The following ITGA6 variants were observed in gnomAD, a reference collection of about 807,000 sequenced individuals.
ITGA6 encodes the protein integrin alpha-6.
In ITGA6, 63 loss-of-function variants were observed where a neutral mutation model predicts 133.6. That is an observed-to-expected ratio of 0.47 (90% confidence interval 0.38 to 0.58). The LOEUF is 0.58. Ranked by LOEUF, ITGA6 falls within the 20% of genes least tolerant of loss-of-function variation. ITGA6 has a pLI of 0.00. For missense variants in ITGA6, 1,068 were observed against 1,309.4 expected (o/e 0.82, Z 2.85); for synonymous variants, 434 against 482.0 (o/e 0.90, Z 1.30).
chr2:172,477,159 T>G (rs1377489074), intron 9 of ITGA6, among the ~76,000 whole-genome samples: 1 of 152,208 alleles, frequency 6.6e-6, no homozygotes, highest in East Asian at 1.9e-4. Context: ...TTACTTTTGT[T>G]TATATCCTTG....
intron 1 of ITGA6, among the ~76,000 whole-genome samples, chr2:172,437,639 A>C (rs1462809677): frequency 6.6e-6 from 1 of 152,184 alleles, no homozygotes; most frequent in Non-Finnish European, 1.5e-5. Context: ...CAGCTGAGTC[A>C]ATTAAAAAAA....
chr2:172,433,881 C>G (rs568281273), intron 1 of ITGA6, among the ~76,000 whole-genome samples: 1 of 152,228 alleles, frequency 6.6e-6, no homozygotes, highest in African/African-American at 2.4e-5. Context: ...GATGAGTGGA[C>G]AGATGGGTGC....
intron 3 of ITGA6, among the ~76,000 whole-genome samples, chr2:172,468,636 A>G (rs920801043): frequency 2.0e-5 from 3 of 152,208 alleles, no homozygotes; most frequent in African/African-American, 7.2e-5. Context: ...ACTGATTACA[A>G]GGAAATAGTG....
chr2:172,440,777 A>G (rs1684506250), intron 1 of ITGA6, among the ~76,000 whole-genome samples: 1 of 152,216 alleles, frequency 6.6e-6, no homozygotes, highest in Non-Finnish European at 1.5e-5. Flanking sequence ...TGAGTAACAG[A>G]AAATTGCAAC....
At position 172,491,771 on chromosome 2, in the gene ITGA6, G is replaced by A. The variant is rs1366194883; in HGVS notation, c.2988+248G>A. ...TTGAGAACTACTGGCTCAATTCAGAGAATGGGTGCACCTCACAGCCCTCTA... is the reference window on the plus strand; with the variant it reads ...TTGAGAACTACTGGCTCAATTCAGAAAATGGGTGCACCTCACAGCCCTCTA... On this transcript the variant is annotated intron_variant, in intron 23 of 25. Transcript: ENST00000684293. This position sits in a 1 kb window ranked among gnomAD's most constrained non-coding sequence, Gnocchi z 4.4. Among the ~76,000 whole-genome samples, 1 of 152,148 alleles carries A rather than the reference G, an allele frequency of 6.6e-6. No individual in the cohort carries two copies. The highest frequency in any genetic ancestry group is 2.4e-5 in the African/African-American group (1 of 41,434).
At chr2:172,469,527 T>A (rs866130046) in intron 4 of ITGA6, 147 bp downstream of exon 4, 81 of 735,590 alleles carry the variant, frequency 1.1e-4, no homozygotes, top group Middle Eastern at 3.9e-4. Flanking sequence ...ATGATATGAT[T>A]TTTAAAAGCT....
intron 25 of ITGA6, among the ~76,000 whole-genome samples, chr2:172,502,991 G>C (rs1375642671): frequency 6.6e-6 from 1 of 151,174 alleles, no homozygotes; most frequent in Non-Finnish European, 1.5e-5. Flanking sequence ...AATAATAAAT[G>C]AATCCATGTA....
At chr2:172,450,973 T>G (rs1281834646) in intron 1 of ITGA6, among the ~76,000 whole-genome samples, 1 of 147,624 alleles carries the variant, frequency 6.8e-6, no homozygotes, top group Non-Finnish European at 1.5e-5. Context: ...TAAATATATT[T>G]TGTGTGTGTG....
chr2:172,492,457 TCA>T (rs1485141416), intron 23 of ITGA6, among the ~76,000 whole-genome samples: 1 of 152,240 alleles, frequency 6.6e-6, no homozygotes, highest in African/African-American at 2.4e-5. Context: ...GTCCATTGTT[TCA>T]GTTTGCAAAG....
rs756521938 is a variant in ITGA6 at position 172,484,887 on chromosome 2, T to G, written c.1655T>G (p.Leu552Arg). 1 of 1,614,150 alleles carries G rather than the reference T, an allele frequency of 6.2e-7. No individual in the cohort carries two copies. Among genetic ancestry groups the G allele is most frequent in the South Asian group, 1.1e-5 (1 of 91,086 alleles). Residue 552 changes from leucine (L) to arginine (R), a missense_variant, in exon 12 of 26, where the codon CTA becomes CGA. By Grantham distance (102) the Leu-to-Arg change is moderately radical. Transcript: ENST00000684293. ...TCTGAGCCCAAATATACTCAAGAAC[T>G]AACTCTGAAGAGGCAGAAACAGAAA... ...QGSEPKYTQE[L>R]TLKRQKQKVC...
chr2:172,434,009 C>A (rs918162280), intron 1 of ITGA6, among the ~76,000 whole-genome samples: 2 of 152,140 alleles, frequency 1.3e-5, no homozygotes, highest in Non-Finnish European at 2.9e-5. Flanking sequence ...CCTTCTTAGA[C>A]CTCTATGACC....
At position 172,488,246 on chromosome 2, in the gene ITGA6, G is replaced by A; in HGVS notation, c.2505+18G>A. 1 of 1,537,892 alleles carries A rather than the reference G, an allele frequency of 6.5e-7. No homozygotes were observed. Among genetic ancestry groups the A allele is most frequent in the Non-Finnish European group, 9.0e-7 (1 of 1,110,816 alleles). On this transcript the variant is annotated intron_variant, in intron 19 of 25. Coordinates refer to ENST00000684293, the MANE Select transcript of ITGA6 (RefSeq NM_000210.4). ...AATTCAGGGTAAGTTGGAGCAGTTG[G>A]TCTTTTCATTATACCAAAAGCTGAC... is the stretch of plus-strand genomic sequence containing the variant.
chr2:172,473,838 A>G (rs943499280), intron 5 of ITGA6, among the ~76,000 whole-genome samples: 1 of 152,208 alleles, frequency 6.6e-6, no homozygotes, highest in Non-Finnish European at 1.5e-5. Flanking sequence ...AAAAGTCTTA[A>G]TATCCATAGA....
intron 1 of ITGA6, among the ~76,000 whole-genome samples, chr2:172,458,136 G>A (rs1685288546): frequency 6.6e-6 from 1 of 152,050 alleles, no homozygotes; most frequent in Non-Finnish European, 1.5e-5. Context: ...CTGGCTGTGG[G>A]GAAAATACCA....
intron 1 of ITGA6, among the ~76,000 whole-genome samples, chr2:172,446,594 A>G (rs910785888): frequency 4.6e-5 from 7 of 152,262 alleles, no homozygotes; most frequent in Admixed American, 1.3e-4. Flanking sequence ...ACAGTTTCCT[A>G]GACTTGGTTT....
intron 5 of ITGA6, among the ~76,000 whole-genome samples, chr2:172,472,096 C>T (rs1256070968): frequency 2.6e-5 from 4 of 152,136 alleles, no homozygotes; most frequent in African/African-American, 7.2e-5. Flanking sequence ...CTGAGGCAGG[C>T]GGATTACTTG....
intron 1 of ITGA6, among the ~76,000 whole-genome samples, chr2:172,458,164 G>C (rs911989918): frequency 6.6e-6 from 1 of 151,864 alleles, no homozygotes; most frequent in African/African-American, 2.4e-5. Flanking sequence ...AGCACTTTCT[G>C]GGGACAGGCA....
intron 1 of ITGA6, chr2:172,465,294 G>C (rs1213211649): frequency 1.7e-6 from 1 of 574,668 alleles, no homozygotes; most frequent in Non-Finnish European, 3.1e-6. Context: ...CTGATACTAT[G>C]AGAGACAGGC....
intron 24 of ITGA6, among the ~76,000 whole-genome samples, chr2:172,499,395 C>T (rs760390751): frequency 6.6e-5 from 10 of 152,048 alleles, no homozygotes; most frequent in East Asian, 1.9e-4. Context: ...CTGGGTCTCT[C>T]GCTCTGTCAC....
Sources: gnomAD v4.1 joint callset for allele counts (sites outside exome capture counted in the v4.1 genomes callset) on GRCh38, gnomAD v4.1.1 for gene constraint, Gnocchi (gnomAD v3.1) non-coding constraint, MANE v1.5 for transcripts, NCBI Gene and HGNC (gene_info 2026-07-23, HGNC 2026-07-21) for gene names.